Variants in IDO2 observed in about 807,000 individuals in gnomAD.
IDO2 encodes indoleamine 2,3-dioxygenase 2, also known as indoleamine 2,3-dioxygenase-like 1 protein.
IDO2 carries 46 observed loss-of-function variants against 45.1 expected under a neutral mutation model. The observed-to-expected ratio is 1.02, with a 90% CI of 0.80 to 1.30. The LOEUF is 1.30. IDO2 is among the 50% of genes most tolerant of loss of function. The probability of loss-of-function intolerance (pLI) is 0.00; values close to 1 mark genes in which losing one functional copy is unlikely to be tolerated. For missense variants in IDO2, 544 were observed against 491.8 expected, an observed-to-expected ratio of 1.11 and a Z score of -1.00; for synonymous variants, 218 against 184.9, an observed-to-expected ratio of 1.18 and a Z score of -1.45.
chr8:39,986,258 C>G (rs1409143901), intron 6 of IDO2: 4 of 152,244 alleles, frequency 2.6e-5, no homozygotes, highest in African/African-American at 4.8e-5. Context: ...GCTCATGGGG[C>G]AGGTCTGGTC....
intron 3 of IDO2, 24 bp from the exon 4 acceptor site, chr8:39,979,043 C>T (rs370419464): frequency 2.6e-6 from 4 of 1,559,900 alleles, no homozygotes; most frequent in East Asian, 2.4e-5. Context: ...CCTCCTCTGA[C>T]GGCATTTGGA....
chr8:39,941,427 G>C (rs1370819454), intron 1 of IDO2, among the ~76,000 whole-genome samples: 1 of 152,164 alleles, frequency 6.6e-6, no homozygotes, highest in Non-Finnish European at 1.5e-5. Context: ...TTGAGCAAAG[G>C]TCTTGCTAGA....
chr8:39,945,574 A>C lies in IDO2; in HGVS notation c.-17-3575A>C, dbSNP rs185506446. On this transcript the variant is annotated intron_variant, in intron 1 of 10. Coordinates refer to ENST00000502986, the Ensembl canonical transcript of IDO2. ...ATACCAGGGGTAGAGGAGACTTTCA[A>C]AAGGGCTGGTTTCTGTTTAGCCCTT... 4.5e-3 allele frequency among the ~76,000 whole-genome samples: 684 copies of C among 152,302 alleles called. 3 individuals are homozygous for C. Among genetic ancestry groups the C allele is most frequent in the Non-Finnish European group, 7.3e-3 (498 of 68,020 alleles).
At chr8:39,944,290 C>A (rs1347437672) in intron 1 of IDO2, among the ~76,000 whole-genome samples, 2 of 97,488 alleles carry the variant, frequency 2.1e-5, no homozygotes, top group African/African-American at 3.3e-5. Flanking sequence ...GGATTACAGG[C>A]GTGAACCACT....
intron 8 of IDO2, among the ~76,000 whole-genome samples, chr8:39,997,463 G>A (rs750070575): frequency 5.9e-5 from 9 of 152,056 alleles, no homozygotes; most frequent in Non-Finnish European, 1.3e-4. Flanking sequence ...TTGAGCCCAG[G>A]AGTTTGAGAC....
At chr8:40,007,308 A>G (rs1019972063) in intron 9 of IDO2, among the ~76,000 whole-genome samples, 5 of 152,002 alleles carry the variant, frequency 3.3e-5, no homozygotes, top group African/African-American at 1.2e-4. Flanking sequence ...CATACTAAGT[A>G]TTTTCTCCAG....
chr8:39,945,682 A>T (rs1807718099), intron 1 of IDO2, among the ~76,000 whole-genome samples: 1 of 152,194 alleles, frequency 6.6e-6, no homozygotes, highest in Non-Finnish European at 1.5e-5. Flanking sequence ...ACTAGAACTC[A>T]GTTTTCAAGT....
chr8:39,997,039 T>G (rs998082628), intron 8 of IDO2, among the ~76,000 whole-genome samples: 6 of 152,174 alleles, frequency 3.9e-5, no homozygotes, highest in African/African-American at 1.4e-4. Flanking sequence ...TATGAATGCT[T>G]TACAAAAGAA....
At chr8:39,947,960 T>C (rs952365685) in intron 1 of IDO2, among the ~76,000 whole-genome samples, 5 of 152,172 alleles carry the variant, frequency 3.3e-5, no homozygotes, top group Admixed American at 3.3e-4. Flanking sequence ...GCTAATTTTG[T>C]ATTTTTAGTA....
intron 7 of IDO2, among the ~76,000 whole-genome samples, chr8:39,988,403 T>G (rs57570733): frequency 0.057 from 8,599 of 152,184 alleles, 827 homozygotes; most frequent in African/African-American, 0.2. Context: ...TGATGCAGCT[T>G]GTGATCAACT....
chr8:40,008,708 T>C (rs933766864), intron 9 of IDO2, among the ~76,000 whole-genome samples: 1 of 152,250 alleles, frequency 6.6e-6, no homozygotes, highest in Admixed American at 6.5e-5. Context: ...GAGGATGAAC[T>C]ATATATTCTG....
chr8:39,978,991 A>T, intron 3 of IDO2, 76 bp from the exon 4 acceptor site: 1 of 1,444,204 alleles, frequency 6.9e-7, no homozygotes, highest in Non-Finnish European at 9.5e-7. Context: ...TTCACATCCC[A>T]GGTCCCCGGC....
At chr8:40,002,435 T>C (rs1008233367) in intron 8 of IDO2, among the ~76,000 whole-genome samples, 28 of 152,196 alleles carry the variant, frequency 1.8e-4, no homozygotes, top group African/African-American at 6.8e-4. Flanking sequence ...CAGCATCGCT[T>C]GTGCTATCCT....
At chr8:39,988,060 C>T (rs1260126924) in intron 7 of IDO2, 90 bp downstream of exon 7, 5 of 721,148 alleles carry the variant, frequency 6.9e-6, no homozygotes, top group Middle Eastern at 2.6e-4. Context: ...GATTTCTCAA[C>T]ACAAATGAAC....
At chr8:39,960,080 C>T (rs1235352459) in intron 2 of IDO2, among the ~76,000 whole-genome samples, 1 of 152,188 alleles carries the variant, frequency 6.6e-6, no homozygotes, top group Non-Finnish European at 1.5e-5. Flanking sequence ...TCCTCAGGGA[C>T]TGAAGACTTC....
chr8:39,957,101 A>T (rs1490905710), intron 2 of IDO2, among the ~76,000 whole-genome samples: 2 of 151,704 alleles, frequency 1.3e-5, no homozygotes, highest in Non-Finnish European at 2.9e-5. Flanking sequence ...TAATCCTCAC[A>T]ATAGTCTTCA....
chr8:39,946,543 G>C (rs1807734071), intron 1 of IDO2, among the ~76,000 whole-genome samples: 5 of 152,136 alleles, frequency 3.3e-5, no homozygotes, highest in African/African-American at 1.2e-4. Context: ...GGAGGCAGAG[G>C]TTACAGTGAG....
At chr8:39,985,261 A>G in intron 5 of IDO2, 1 of 537,918 alleles carries the variant, frequency 1.9e-6, no homozygotes, top group South Asian at 2.5e-5. Flanking sequence ...CAGGCCAAAT[A>G]TTCTGGGGCT....
At chr8:39,999,723 A>G (rs550325875) in intron 8 of IDO2, among the ~76,000 whole-genome samples, 1 of 152,344 alleles carries the variant, frequency 6.6e-6, no homozygotes, top group South Asian at 2.1e-4. Flanking sequence ...TTGGTCTCCC[A>G]AAGTGCTAGG....
Sources: gnomAD v4.1 joint callset for allele counts (sites outside exome capture counted in the v4.1 genomes callset) on GRCh38, gnomAD v4.1.1 for gene constraint, MANE v1.5 for transcripts, NCBI Gene and HGNC (gene_info 2026-07-23, HGNC 2026-07-21) for gene names.